The following HAUS8 variants were observed in gnomAD, a reference collection of about 807,000 sequenced individuals.
HAUS8 encodes the protein HAUS augmin-like complex subunit 8.
HAUS8 carries 38 observed loss-of-function variants against 42.9 expected under a neutral mutation model. That is an observed-to-expected ratio of 0.89 (90% CI 0.68 to 1.16). HAUS8 has a LOEUF of 1.16. Ranked by LOEUF, HAUS8 falls within the 50% of genes most tolerant of loss-of-function variation. HAUS8 has a pLI of 0.00. For missense variants in HAUS8, 494 were observed against 511.6 expected (o/e 0.97, Z 0.33); for synonymous variants, 199 against 205.8 (o/e 0.97, Z 0.28).
At chr19:17,059,712 CA>C in intron 5 of HAUS8, 61 bp from the exon 6 acceptor site, 1 of 1,136,814 alleles carries the variant, frequency 8.8e-7, no homozygotes, top group Non-Finnish European at 1.3e-6. Flanking sequence ...CCCTGGTTGC[CA>C]TTTTTTTTCT....
At chr19:17,059,682 A>G (rs2057348427) in intron 5 of HAUS8, 31 bp from the exon 6 acceptor site, 1 of 1,496,854 alleles carries the variant, frequency 6.7e-7, no homozygotes, top group African/African-American at 1.4e-5. Flanking sequence ...TTTAATGGCA[A>G]GTAGCGTATA....
At chr19:17,060,341 C>T (rs532235334) in intron 4 of HAUS8, 1 of 422,084 alleles carries the variant, frequency 2.4e-6, no homozygotes, top group Non-Finnish European at 4.2e-6. Flanking sequence ...CGCAAATAGG[C>T]CTTTCTGCTA....
At chr19:17,061,159 C>G in intron 4 of HAUS8, among the ~76,000 whole-genome samples, 1 of 147,934 alleles carries the variant, frequency 6.8e-6, no homozygotes, top group East Asian at 2.0e-4. Context: ...GAGACAGGGT[C>G]TTGCTCTGTC....
chr19:17,058,678 T>G lies in HAUS8; in HGVS notation c.516A>C (p.Arg172Ser), dbSNP rs1216499774. 6.2e-7 allele frequency: 1 copy of G among 1,610,104 alleles called. No individual in the cohort carries two copies. Among genetic ancestry groups the G allele is most frequent in the Admixed American group, 1.7e-5 (1 of 58,852 alleles). The change falls in exon 8 of 11, where the codon AGA (arginine) becomes AGC (serine). Residue 172 changes from arginine to serine, a missense_variant. Transcript: ENST00000253669. ...KMENNLAEFERRAEKNLLIMC... is the reference protein window; with the variant it reads ...KMENNLAEFESRAEKNLLIMC... ...TTATTAATAAATTCTTTTCTGCCCT[T>G]CTTTCAAACTCAGCAAGATTGTTCT...
rs774107775 is a variant in HAUS8, at chr19:17,069,090, T to C, written c.92-4A>G. The C allele has an allele frequency of 1.7e-5, 27 of 1,612,698 alleles. No homozygotes were observed. The highest frequency in any genetic ancestry group is 2.3e-5 in the Non-Finnish European group (27 of 1,179,262). ...CGGGACTCAATCACTCTTCCACCTG[T>C]GGGGACACACTGTTGGTGCACAACA... On this transcript the variant is annotated splice_region_variant and splice_polypyrimidine_tract_variant and intron_variant, in intron 2 of 10. Transcript: ENST00000253669.
chr19:17,059,513 C>A, intron 6 of HAUS8, 44 bp downstream of exon 6: 1 of 1,353,688 alleles, frequency 7.4e-7, no homozygotes, highest in South Asian at 1.2e-5. Flanking sequence ...TAAATCAGAT[C>A]TATGCAACCC....
rs751879328 is a variant in HAUS8, at chr19:17,058,570, C to G, written c.624G>C (p.Leu208=). ...TGACCTGGGCATCCAGGACATCTGC[C>G]AGCTCCCGCTTCCTCTGAGAGAGGA... ...RLLLSQRKRE[L]ADVLDAQIEM... Residue 208 remains leucine (L), a synonymous_variant, in exon 8 of 11, where the codon CTG becomes CTC. Transcript: ENST00000253669. 4.4e-6 allele frequency: 7 copies of G among 1,603,252 alleles called. No homozygotes were observed. The highest frequency in any genetic ancestry group is 5.9e-6 in the Non-Finnish European group (7 of 1,176,476).
chr19:17,065,946 T>G (rs1404415645), intron 3 of HAUS8, among the ~76,000 whole-genome samples: 1 of 147,412 alleles, frequency 6.8e-6, no homozygotes, highest in Non-Finnish European at 1.5e-5. Flanking sequence ...TCCCCCCATA[T>G]CTCACTCTAC....
chr19:17,061,280 G>A (rs1269446405), intron 4 of HAUS8, among the ~76,000 whole-genome samples: 1 of 152,132 alleles, frequency 6.6e-6, no homozygotes, highest in Non-Finnish European at 1.5e-5. Flanking sequence ...ACAGGCAAGT[G>A]TCACCATGCC....
intron 3 of HAUS8, among the ~76,000 whole-genome samples, 195 bp downstream of exon 3, chr19:17,068,836 T>A (rs938073516): frequency 6.6e-6 from 1 of 152,116 alleles, no homozygotes; most frequent in Non-Finnish European, 1.5e-5. Flanking sequence ...GAGATGCTTA[T>A]AGCCATGAGC....
chr19:17,055,483 T>C (rs1194309989), intron 9 of HAUS8, among the ~76,000 whole-genome samples: 1 of 151,192 alleles, frequency 6.6e-6, no homozygotes, highest in East Asian at 1.9e-4. Flanking sequence ...AGGGATTAGG[T>C]GGGAACCCTA....
intron 3 of HAUS8, among the ~76,000 whole-genome samples, chr19:17,066,556 C>T (rs1047189114): frequency 1.3e-5 from 2 of 152,168 alleles, no homozygotes; most frequent in African/African-American, 4.8e-5. Context: ...GAGGGGCAGT[C>T]TTGGAGACTG....
At chr19:17,061,683 C>T (rs2057361857) in intron 4 of HAUS8, among the ~76,000 whole-genome samples, 1 of 152,132 alleles carries the variant, frequency 6.6e-6, no homozygotes, top group African/African-American at 2.4e-5. Flanking sequence ...TGTTAAGTGG[C>T]CTCCCTGGCC....
intron 4 of HAUS8, among the ~76,000 whole-genome samples, chr19:17,060,751 T>A (rs1474165771): frequency 6.6e-6 from 1 of 152,182 alleles, no homozygotes; most frequent in Non-Finnish European, 1.5e-5. Flanking sequence ...GGACTGTTCA[T>A]CCTCCCTGGG....
Position 17,062,692 on chromosome 19 carries a change from T to C in HAUS8, c.229+6A>G. 1 of 1,613,544 alleles carries C rather than the reference T, an allele frequency of 6.2e-7. No homozygotes were observed. The highest frequency in any genetic ancestry group is 2.2e-5 in the East Asian group (1 of 44,884). ...TCACTGCCCGAGGACCATGGCTGTT[T>C]CGCACCTTTGCTTTTCTGGAGCAGG... On this transcript the variant is annotated splice_donor_region_variant and intron_variant, in intron 4 of 10. Coordinates refer to ENST00000253669, the MANE Select transcript of HAUS8 (RefSeq NM_033417.2).
chr19:17,063,872 A>T (rs1490336463), intron 3 of HAUS8, among the ~76,000 whole-genome samples: 1 of 152,194 alleles, frequency 6.6e-6, no homozygotes, highest in Non-Finnish European at 1.5e-5. Flanking sequence ...ACACTGAACT[A>T]AACCACCAAC....
chr19:17,068,758 T>G (rs1276222527), intron 3 of HAUS8, among the ~76,000 whole-genome samples: 1 of 151,840 alleles, frequency 6.6e-6, no homozygotes, highest in African/African-American at 2.4e-5. Flanking sequence ...AGAGAGACCT[T>G]GCCTCAAAAA....
rs570132755 is a variant in HAUS8, at chr19:17,070,089, C to A, written c.92-1003G>T. ...TTCTTCCTCCTACCTGCACTCTCTG[C>A]CTCCCCCCATTTCTCCCATCCCCTT... On this transcript the variant is annotated intron_variant, in intron 2 of 10. Coordinates refer to ENST00000253669, the MANE Select transcript of HAUS8 (RefSeq NM_033417.2). 2.0e-5 allele frequency among the ~76,000 whole-genome samples: 3 copies of A among 152,144 alleles called. No homozygotes were observed. The South Asian group carries it at 6.2e-4, about 32-fold the overall frequency.
At chr19:17,073,816 A>C (rs1306286854) in intron 1 of HAUS8, 3 of 172,356 alleles carry the variant, frequency 1.7e-5, no homozygotes, top group East Asian at 1.6e-4. Flanking sequence ...CATCCTGGCT[A>C]ACATGGTGAA....
Sources: gnomAD v4.1 joint callset for allele counts (sites outside exome capture counted in the v4.1 genomes callset) on GRCh38, gnomAD v4.1.1 for gene constraint, MANE v1.5 for transcripts, NCBI Gene and HGNC (gene_info 2026-07-23, HGNC 2026-07-21) for gene names.